MCC: variants seen among roughly 807,000 people sequenced by gnomAD.
MCC encodes the protein colorectal mutant cancer protein.
In MCC, 90 loss-of-function variants were observed where a neutral mutation model predicts 116.2. The ratio of observed to expected loss-of-function variants is 0.77; its 90% CI spans 0.65 to 0.92. The LOEUF (loss-of-function observed/expected upper bound fraction) is 0.92, where lower values mean the gene tolerates loss of function less well. Ranked by LOEUF, MCC falls within the 40% of genes least tolerant of loss-of-function variation. The pLI is 0.00. For missense variants in MCC, 1,516 were observed against 1,312.2 expected (o/e 1.16, Z -2.40); for synonymous variants, 578 against 510.5 (o/e 1.13, Z -1.78).
At chr5:113,201,214 C>A (rs1445702308) in intron 3 of MCC, among the ~76,000 whole-genome samples, 4 of 151,930 alleles carry the variant, frequency 2.6e-5, no homozygotes, top group African/African-American at 7.3e-5. Flanking sequence ...GGAGAAACCC[C>A]ATCTCTACTA....
chr5:113,309,389 G>A (rs1240047536), intron 3 of MCC, among the ~76,000 whole-genome samples: 2 of 151,818 alleles, frequency 1.3e-5, no homozygotes, highest in South Asian at 2.1e-4. Context: ...GCATGCCTCT[G>A]CATACCCATG....
chr5:113,067,198 G>A (rs992516040), intron 13 of MCC, among the ~76,000 whole-genome samples: 1 of 149,366 alleles, frequency 6.7e-6, no homozygotes, highest in African/African-American at 2.5e-5. Context: ...TACAGGTCAG[G>A]CCAACAGGGC....
At position 113,068,202 on chromosome 5, in the gene MCC, G is replaced by A; in HGVS notation, c.1926-19C>T. On this transcript the variant is annotated intron_variant, in intron 12 of 18. Coordinates refer to ENST00000408903, the MANE Select transcript of MCC (RefSeq NM_001085377.2). ...CTGCTCGCTGAAACAAAGCACATGG[G>A]GCCTCAGCCCTTGCAGAGAACAGCG... 6.3e-7 allele frequency: 1 copy of A among 1,597,028 alleles called. No homozygotes were observed. Among genetic ancestry groups the A allele is most frequent in the South Asian group, 1.1e-5 (1 of 90,690 alleles).
chr5:113,267,604 C>T (rs1430231331), intron 3 of MCC, among the ~76,000 whole-genome samples: 1 of 152,180 alleles, frequency 6.6e-6, no homozygotes, highest in African/African-American at 2.4e-5. Context: ...AGATATGCTA[C>T]AGCATGATGA....
intron 1 of MCC, among the ~76,000 whole-genome samples, chr5:113,437,553 T>C (rs1037819751): frequency 6.6e-6 from 1 of 152,206 alleles, no homozygotes; most frequent in South Asian, 2.1e-4. Context: ...ATTTGCATTT[T>C]ACAAAAATCT....
chr5:113,421,356 C>A (rs1425665404), intron 1 of MCC, among the ~76,000 whole-genome samples: 1 of 152,026 alleles, frequency 6.6e-6, no homozygotes, highest in East Asian at 1.9e-4. Flanking sequence ...TGACCTTTAC[C>A]CCCACTGGAT....
chr5:113,143,805 TC>T (rs1759334214), intron 4 of MCC, among the ~76,000 whole-genome samples: 1 of 152,198 alleles, frequency 6.6e-6, no homozygotes, highest in Admixed American at 6.5e-5. Flanking sequence ...TACCTACAGC[TC>T]CCTTCCCAAG....
At chr5:113,250,612 C>T (rs1385097723) in intron 3 of MCC, among the ~76,000 whole-genome samples, 1 of 152,158 alleles carries the variant, frequency 6.6e-6, no homozygotes, top group Non-Finnish European at 1.5e-5. Context: ...TATTGGAATC[C>T]TAACATCAAT....
intron 1 of MCC, chr5:113,437,213 T>G (rs1770889470): frequency 6.6e-6 from 1 of 152,196 alleles, no homozygotes. Context: ...TGAGTTATCC[T>G]ACAAAGGCAA....
At chr5:113,239,441 C>CT (rs1764277824) in intron 3 of MCC, among the ~76,000 whole-genome samples, 1 of 152,066 alleles carries the variant, frequency 6.6e-6, no homozygotes, top group South Asian at 2.1e-4. Context: ...TCTCAAACAC[C>CT]TTTAGTTTAG....
At chr5:113,273,371 C>T (rs1193732660) in intron 3 of MCC, among the ~76,000 whole-genome samples, 1 of 152,176 alleles carries the variant, frequency 6.6e-6, no homozygotes. Context: ...GCAATGAGAT[C>T]TTAGGAAAGT....
rs1402709977 is a variant in MCC, at chr5:113,203,871, AATAATTT to A, written c.628-52456_628-52450del. On this transcript the variant is annotated intron_variant, in intron 3 of 18. Coordinates refer to ENST00000408903, the MANE Select transcript of MCC (RefSeq NM_001085377.2). ...TTCATTGTCAGATTAATGTGGACAT[AATAATTT>A]ATAAGAAGGCTTTAAAAAAAGTCAC... 2.0e-5 allele frequency among the ~76,000 whole-genome samples: 3 copies of A among 152,224 alleles called. No homozygotes were observed. The South Asian group carries it at 6.2e-4, about 32-fold the overall frequency.
intron 3 of MCC, among the ~76,000 whole-genome samples, chr5:113,174,311 G>A (rs1244477261): frequency 1.3e-5 from 2 of 152,190 alleles, no homozygotes; most frequent in Non-Finnish European, 2.9e-5. Flanking sequence ...CACTGGTGGA[G>A]GCTGGATGGA....
intron 3 of MCC, among the ~76,000 whole-genome samples, chr5:113,339,468 T>C (rs1561530100): frequency 6.6e-6 from 1 of 151,600 alleles, no homozygotes; most frequent in Non-Finnish European, 1.5e-5. Context: ...TGTAATGTCC[T>C]TTTTTTCTGA....
At chr5:113,087,359 A>C (rs1038560644) in intron 8 of MCC, among the ~76,000 whole-genome samples, 53 of 152,328 alleles carry the variant, frequency 3.5e-4, no homozygotes, top group African/African-American at 1.3e-3. Context: ...TGCTGTCCTC[A>C]AAACAGACCA....
intron 3 of MCC, among the ~76,000 whole-genome samples, chr5:113,189,784 A>G (rs1762067446): frequency 6.6e-6 from 1 of 152,242 alleles, no homozygotes; most frequent in African/African-American, 2.4e-5. Flanking sequence ...GGATACTACC[A>G]AACTTAAATT....
Position 113,267,556 on chromosome 5 carries a change from G to A in MCC, c.627+72963C>T, listed in dbSNP as rs78496155. Among the ~76,000 whole-genome samples the A allele has an allele frequency of 3.2e-4, 49 of 152,256 alleles. No homozygotes were observed. The East Asian group carries it at 8.5e-3, about 26-fold the overall frequency. On this transcript the variant is annotated intron_variant, in intron 3 of 18. Transcript: ENST00000408903. Reference sequence around the variant, plus strand: ...ATTCTGTCAGGGGCAACATTCCTCAGCCACCTGATGGCCAAACCAAAATCC... The same window carrying A: ...ATTCTGTCAGGGGCAACATTCCTCAACCACCTGATGGCCAAACCAAAATCC...
At chr5:113,483,287 C>A (rs1425601497) in intron 1 of MCC, among the ~76,000 whole-genome samples, 1 of 152,156 alleles carries the variant, frequency 6.6e-6, no homozygotes, top group African/African-American at 2.4e-5. Flanking sequence ...AAGATCAGTT[C>A]ATCAATTTCT....
chr5:113,053,939 C>T lies in MCC; in HGVS notation c.2234G>A (p.Ser745Asn). ...SHTSTTSSTA[S>N]SCDTEFTKED... is the part of the protein sequence containing the mutation. ...TTTAGTGAACTCGGTGTCGCAACTACTGGCTGTGGAGCTGGTTGTGCTGAG... is the reference window on the plus strand; with the variant it reads ...TTTAGTGAACTCGGTGTCGCAACTATTGGCTGTGGAGCTGGTTGTGCTGAG... Residue 745 changes from serine (S) to asparagine (N), a missense_variant, in exon 15 of 19, where the codon AGT (serine) becomes AAT (asparagine). Ser to Asn is a conservative substitution (Grantham distance 46). Transcript: ENST00000408903. The T allele has an allele frequency of 3.7e-6, 6 of 1,613,038 alleles. No homozygotes were observed. The highest frequency in any genetic ancestry group is 4.2e-6 in the Non-Finnish European group (5 of 1,179,146).
Sources: allele counts gnomAD v4.1 joint callset (sites outside exome capture counted in the v4.1 genomes callset), GRCh38; gene constraint gnomAD v4.1.1; transcripts MANE v1.5; gene names NCBI Gene and HGNC (gene_info 2026-07-23, HGNC 2026-07-21).